Variants in CCN4 observed in about 807,000 individuals in gnomAD.
The protein encoded by CCN4 is cellular communication network factor 4.
In CCN4, 30 loss-of-function variants were observed where a neutral mutation model predicts 36.7. The ratio of observed to expected loss-of-function variants is 0.82; its 90% CI spans 0.61 to 1.11. The LOEUF (loss-of-function observed/expected upper bound fraction) is 1.11. Among genes scored for constraint, CCN4 ranks in the 50% least tolerant of loss-of-function variants. CCN4 has a pLI of 0.00. For synonymous variants in CCN4, 191 were observed against 195.4 expected (o/e 0.98, Z 0.19); for missense variants, 505 against 504.9 (o/e 1.00, Z 0.00).
intron 1 of CCN4, among the ~76,000 whole-genome samples, chr8:133,191,635 T>C (rs1853115440): frequency 1.3e-5 from 2 of 152,058 alleles, no homozygotes; most frequent in East Asian, 3.9e-4. Flanking sequence ...GTCTCTGAGT[T>C]TGAAAACTCC....
At chr8:133,203,110 A>G (rs1489884795) in intron 1 of CCN4, among the ~76,000 whole-genome samples, 1 of 152,160 alleles carries the variant, frequency 6.6e-6, no homozygotes, top group Non-Finnish European at 1.5e-5. Flanking sequence ...CCTCCGAAAC[A>G]GGGCAAGCCA....
chr8:133,225,293 CTG>C (rs1416156655), intron 3 of CCN4, 95 bp from the exon 4 acceptor site: 13 of 1,330,494 alleles, frequency 9.8e-6, no homozygotes, highest in African/African-American at 1.5e-5. Context: ...CTGTGTTCCT[CTG>C]AGTTCTGGGG....
chr8:133,196,317 AC>A (rs1853381584), intron 1 of CCN4, among the ~76,000 whole-genome samples: 1 of 152,236 alleles, frequency 6.6e-6, no homozygotes, highest in South Asian at 2.1e-4. Context: ...AGCATAAGAT[AC>A]ACCATTGATT....
At chr8:133,223,654 C>CAT (rs1554744610) in intron 3 of CCN4, among the ~76,000 whole-genome samples, 3 of 151,630 alleles carry the variant, frequency 2.0e-5, no homozygotes, top group Admixed American at 6.6e-5. Context: ...CACACACACA[C>CAT]GCTTTTTCTC....
At chr8:133,221,312 G>C (rs767347102) in intron 3 of CCN4, among the ~76,000 whole-genome samples, 1 of 152,226 alleles carries the variant, frequency 6.6e-6, no homozygotes, top group East Asian at 1.9e-4. Flanking sequence ...GAAAAGAAGA[G>C]TGGGGACAGG....
At chr8:133,199,716 AG>A (rs1458176943) in intron 1 of CCN4, among the ~76,000 whole-genome samples, 1 of 152,154 alleles carries the variant, frequency 6.6e-6, no homozygotes, top group East Asian at 1.9e-4. Context: ...ACGCACACAC[AG>A]GCACGCATGC....
intron 4 of CCN4, 119 bp from the exon 5 acceptor site, chr8:133,227,292 C>A: frequency 9.5e-7 from 1 of 1,051,100 alleles, no homozygotes; most frequent in Non-Finnish European, 1.4e-6. Context: ...TGCTGTGAAG[C>A]TGAAAGTAAG....
intron 3 of CCN4, among the ~76,000 whole-genome samples, chr8:133,222,736 C>G (rs559833676): frequency 2.0e-5 from 3 of 151,098 alleles, no homozygotes; most frequent in African/African-American, 7.3e-5. Flanking sequence ...AAAGTGCTTA[C>G]GAGGCAAGCA....
At chr8:133,195,714 G>C (rs1176476107) in intron 1 of CCN4, among the ~76,000 whole-genome samples, 1 of 152,194 alleles carries the variant, frequency 6.6e-6, no homozygotes, top group Non-Finnish European at 1.5e-5. Flanking sequence ...CTCCTTGAGA[G>C]ACAAAACGCT....
chr8:133,194,192 C>G (rs981911367), intron 1 of CCN4, among the ~76,000 whole-genome samples: 9 of 151,938 alleles, frequency 5.9e-5, no homozygotes, highest in Admixed American at 2.0e-4. Context: ...TGTATCAGTG[C>G]ATGTGGGATG....
chr8:133,231,572 A>C lies in CCN4; in HGVS notation c.*3862A>C, dbSNP rs918761936. 2 of 152,186 alleles carry C rather than the reference A, an allele frequency of 1.3e-5. No homozygotes were observed. The highest frequency in any genetic ancestry group is 6.5e-5 in the Admixed American group (1 of 15,278). 9.4% of individuals were successfully genotyped at this position (152,186 alleles called of 1,614,324 possible). A position where few individuals can be genotyped will look rare whatever the true frequency, so the allele number is the denominator to read the frequency against. On this transcript the variant is annotated 3_prime_UTR_variant, in exon 5 of 5. Coordinates refer to ENST00000250160, the MANE Select transcript of CCN4 (RefSeq NM_003882.4). ...TTTCTCTGTGTAAGTCTTTTCCTTA[A>C]GGTAATAAACCATCAGCAAAGTCAC...
chr8:133,210,187 C>T lies in CCN4; in HGVS notation c.70-2677C>T, dbSNP rs539480864. On this transcript the variant is annotated intron_variant, in intron 1 of 4. Coordinates refer to ENST00000250160, the MANE Select transcript of CCN4 (RefSeq NM_003882.4). ...AGAGATGCAAGGCCCGGGCCCTGCC[C>T]TTTCCAAGTTCACATTCCAGTGAGC... Among the ~76,000 whole-genome samples, 5 of 152,280 alleles carry T rather than the reference C, an allele frequency of 3.3e-5. No homozygotes were observed. In the East Asian group the frequency reaches 7.8e-4, roughly 24 times the overall value.
At chr8:133,215,728 G>T (rs1241236369) in intron 2 of CCN4, among the ~76,000 whole-genome samples, 1 of 151,198 alleles carries the variant, frequency 6.6e-6, no homozygotes, top group Admixed American at 6.6e-5. Context: ...CCTTTTATTT[G>T]AAAAAAACAA....
intron 1 of CCN4, among the ~76,000 whole-genome samples, chr8:133,195,341 G>A (rs1014983653): frequency 3.3e-5 from 5 of 151,784 alleles, no homozygotes; most frequent in African/African-American, 9.7e-5. Context: ...TGTGAACCTT[G>A]TGTTTGGGTG....
chr8:133,212,767 T>C, intron 1 of CCN4, 97 bp from the exon 2 acceptor site: 1 of 946,098 alleles, frequency 1.1e-6, no homozygotes, highest in Non-Finnish European at 1.6e-6. Context: ...TGAAAACCTT[T>C]TGAACAGCAT....
chr8:133,201,557 T>C (rs1194910970), intron 1 of CCN4, among the ~76,000 whole-genome samples: 4 of 152,176 alleles, frequency 2.6e-5, no homozygotes, highest in Admixed American at 1.3e-4. Context: ...TAAAAAAGCA[T>C]ACAGCCAGGT....
At chr8:133,224,393 C>T (rs529679325) in intron 3 of CCN4, among the ~76,000 whole-genome samples, 2 of 151,962 alleles carry the variant, frequency 1.3e-5, no homozygotes, top group African/African-American at 4.8e-5. Context: ...CACATGCCAC[C>T]ATGCCCGGTT....
At chr8:133,205,122 G>A (rs913591025) in intron 1 of CCN4, among the ~76,000 whole-genome samples, 13 of 152,190 alleles carry the variant, frequency 8.5e-5, no homozygotes, top group African/African-American at 3.1e-4. Context: ...GGTGGGGCCC[G>A]GTGGGCTCAG....
At chr8:133,218,726 C>T (rs568580192) in intron 2 of CCN4, among the ~76,000 whole-genome samples, 1 of 152,192 alleles carries the variant, frequency 6.6e-6, no homozygotes, top group East Asian at 1.9e-4. Flanking sequence ...CCTGCATTTC[C>T]AGAAGCTGTC....
Sources: gnomAD v4.1 joint callset for allele counts (sites outside exome capture counted in the v4.1 genomes callset) on GRCh38, gnomAD v4.1.1 for gene constraint, MANE v1.5 for transcripts, NCBI Gene and HGNC (gene_info 2026-07-23, HGNC 2026-07-21) for gene names.